The following MOB4 variants were observed in gnomAD, a reference collection of about 807,000 sequenced individuals.
MOB4 encodes the protein MOB family member 4, phocein, also known as MOB-like protein phocein.
A neutral mutation model predicts 32.2 loss-of-function variants in MOB4; 4 were observed. That is an observed-to-expected ratio of 0.12 (90% CI 0.06 to 0.28). The LOEUF is 0.28. MOB4 is among the 10% of genes least tolerant of loss of function. The probability of loss-of-function intolerance (pLI) is 1.00; values close to 1 mark genes in which losing one functional copy is unlikely to be tolerated. For synonymous variants in MOB4, 88 were observed against 88.1 expected, an observed-to-expected ratio of 1.00 and a Z score of 0.01; for missense variants, 158 against 271.2, an observed-to-expected ratio of 0.58 and a Z score of 2.93.
At chr2:197,532,996 G>A (rs2086733631) in intron 2 of MOB4, among the ~76,000 whole-genome samples, 1 of 151,952 alleles carries the variant, frequency 6.6e-6, no homozygotes, top group African/African-American at 2.4e-5. Flanking sequence ...CTACTTGGAA[G>A]GCTGAGACAA....
chr2:197,523,752 G>A (rs2086561288), intron 2 of MOB4, 66 bp downstream of exon 2: 1 of 1,493,276 alleles, frequency 6.7e-7, no homozygotes, highest in Non-Finnish European at 9.0e-7. Flanking sequence ...CCCATTGGGT[G>A]GCCTTTGTCT....
intron 1 of MOB4, among the ~76,000 whole-genome samples, chr2:197,522,136 C>T (rs952330025): frequency 6.6e-6 from 1 of 152,060 alleles, no homozygotes; most frequent in African/African-American, 2.4e-5. Context: ...TGGTTTCAGC[C>T]GGTCCCTCAG....
intron 6 of MOB4, among the ~76,000 whole-genome samples, chr2:197,549,767 T>G (rs923933616): frequency 6.6e-6 from 1 of 150,902 alleles, no homozygotes; most frequent in African/African-American, 2.4e-5. Context: ...GCCAGGCTGG[T>G]TTCGAACTCC....
rs1171812890 is a variant in MOB4, at chr2:197,518,468, A to G, written c.60+2322A>G. On this transcript the variant is annotated intron_variant, in intron 1 of 7. Coordinates refer to ENST00000323303, the MANE Select transcript of MOB4 (RefSeq NM_015387.5). Reference sequence around the variant, plus strand: ...GCAGAAACTGGGTTTCACCATGTTAACCAGGCTGGTCTCGAACTCCTGACC... The same window carrying G: ...GCAGAAACTGGGTTTCACCATGTTAGCCAGGCTGGTCTCGAACTCCTGACC... Among the ~76,000 whole-genome samples, 3 of 150,370 alleles carry G rather than the reference A, an allele frequency of 2.0e-5. No individual in the cohort carries two copies. In the South Asian group the frequency reaches 6.3e-4, roughly 32 times the overall value.
At chr2:197,524,259 G>A (rs1052011487) in intron 2 of MOB4, among the ~76,000 whole-genome samples, 1 of 152,094 alleles carries the variant, frequency 6.6e-6, no homozygotes, top group Non-Finnish European at 1.5e-5. Context: ...TAGCCCAGGT[G>A]TGGTGGCTCA....
At chr2:197,540,299 A>G in intron 4 of MOB4, 52 bp from the exon 5 acceptor site, 1 of 1,474,270 alleles carries the variant, frequency 6.8e-7, no homozygotes, top group Non-Finnish European at 9.0e-7. Context: ...CCTAAATGAT[A>G]AGCTTTTTCA....
intron 3 of MOB4, among the ~76,000 whole-genome samples, chr2:197,537,039 G>A (rs2086811750): frequency 1.3e-5 from 2 of 152,092 alleles, no homozygotes; most frequent in African/African-American, 4.8e-5. Context: ...ACTGCACTTG[G>A]CCACTTTATG....
intron 5 of MOB4, among the ~76,000 whole-genome samples, chr2:197,542,543 A>G (rs1460928474): frequency 6.6e-6 from 1 of 152,198 alleles, no homozygotes; most frequent in African/African-American, 2.4e-5. Context: ...ACCAATAATC[A>G]TTTATTCAGT....
chr2:197,542,558 T>C (rs1164644626), intron 5 of MOB4, among the ~76,000 whole-genome samples: 1 of 152,202 alleles, frequency 6.6e-6, no homozygotes, highest in Non-Finnish European at 1.5e-5. Flanking sequence ...TTCAGTATCC[T>C]TGAGAATTAA....
chr2:197,524,431 G>T (rs888568907), intron 2 of MOB4, among the ~76,000 whole-genome samples: 1 of 151,286 alleles, frequency 6.6e-6, no homozygotes, highest in Non-Finnish European at 1.5e-5. Flanking sequence ...ACTCGGGAGG[G>T]CTAAGGCAGG....
At chr2:197,526,419 C>T (rs2086613029) in intron 2 of MOB4, among the ~76,000 whole-genome samples, 1 of 152,118 alleles carries the variant, frequency 6.6e-6, no homozygotes, top group Non-Finnish European at 1.5e-5. Flanking sequence ...TGGGTTCAAG[C>T]GATTGTCCTG....
chr2:197,548,422 G>A lies in MOB4; in HGVS notation c.434+7G>A, dbSNP rs369858649. The A allele has an allele frequency of 4.1e-6, 6 of 1,478,410 alleles. No homozygotes were observed. The highest frequency in any genetic ancestry group is 3.0e-5 in the East Asian group (1 of 33,480). 91.6% of individuals were successfully genotyped at this position (1,478,410 alleles called of 1,614,324 possible). Reference sequence around the variant, plus strand: ...ATAAATATTTTCCCAGCAGGTAATCGAAACTTTTAAACATAGTGTTAAACA... The same window carrying A: ...ATAAATATTTTCCCAGCAGGTAATCAAAACTTTTAAACATAGTGTTAAACA... On this transcript the variant is annotated splice_region_variant and intron_variant, in intron 6 of 7. Transcript: ENST00000323303.
In MOB4 at chr2:197,550,634, A is replaced by G. The variant is rs139399234; in HGVS notation, c.666A>G (p.Glu222=). The G allele has an allele frequency of 1.3e-5, 20 of 1,598,796 alleles. No individual in the cohort carries two copies. Among genetic ancestry groups the G allele is most frequent in the Non-Finnish European group, 1.7e-5 (20 of 1,176,060 alleles). Residue 222 remains glutamate (E), a synonymous_variant, in exon 8 of 8, where the codon GAA becomes GAG. Coordinates refer to ENST00000323303, the MANE Select transcript of MOB4 (RefSeq NM_015387.5). ...AAGTACAGAATTCAGTTTCTGGGGA[A>G]AGTGAAGCATGAAGGGAATCATAGG... is the stretch of plus-strand genomic sequence containing the variant. ...EEEVQNSVSG[E]SEA
chr2:197,534,107 A>G lies in MOB4; in HGVS notation c.124-1423A>G, dbSNP rs1304278566. ...AACAATGGTTTTTCTTTTGGTTTCT[A>G]TGCTCTGCAGTAGGCTGGTTCAGTA... On this transcript the variant is annotated intron_variant, in intron 2 of 7. Transcript: ENST00000323303. 5.9e-5 allele frequency: 17 copies of G among 288,214 alleles called. 1 individual carries two copies. The highest frequency in any genetic ancestry group is 3.0e-4 in the South Asian group (8 of 26,962). The allele number at this position is 288,214 out of a possible 1,614,324, so 17.9% of individuals were successfully genotyped here.
chr2:197,550,168 AT>A lies in MOB4; in HGVS notation c.435-103del, dbSNP rs1206183436. On this transcript the variant is annotated intron_variant, in intron 6 of 7. Transcript: ENST00000323303. The stretch of plus-strand genomic sequence containing the variant: ...CAGTGTGACCTTGGAGTAGTCGCTT[AT>A]TTTCCCTAGGTGTCAGTTTCTACAC... The A allele has an allele frequency of 2.9e-6, 3 of 1,029,136 alleles. No homozygotes were observed. In the African/African-American group the frequency reaches 4.9e-5, roughly 17 times the overall value. 63.8% of individuals were successfully genotyped at this position (1,029,136 alleles called of 1,614,324 possible).
chr2:197,527,386 G>T (rs561125864), intron 2 of MOB4, among the ~76,000 whole-genome samples: 1 of 152,070 alleles, frequency 6.6e-6, no homozygotes, highest in Admixed American at 6.6e-5. Context: ...CTATTTCTAG[G>T]TATTTAAAAG....
At position 197,525,596 on chromosome 2, in the gene MOB4, G is replaced by C. The variant is rs549574390; in HGVS notation, c.123+1910G>C. Reference sequence around the variant, plus strand: ...TGTAAAAAATAAAAAGGTTGGGCTAGGTGGCGTGCACCTGTAGTCCTAGCT... The same window carrying C: ...TGTAAAAAATAAAAAGGTTGGGCTACGTGGCGTGCACCTGTAGTCCTAGCT... On this transcript the variant is annotated intron_variant, in intron 2 of 7. Transcript: ENST00000323303. 4.3e-4 allele frequency among the ~76,000 whole-genome samples: 65 copies of C among 151,856 alleles called. 2 individuals carry two copies. The South Asian group carries it at 0.013, about 31-fold the overall frequency.
intron 2 of MOB4, among the ~76,000 whole-genome samples, chr2:197,526,905 T>G (rs2086620669): frequency 1.3e-5 from 2 of 152,156 alleles, no homozygotes; most frequent in South Asian, 4.1e-4. Context: ...GACTGTAGCT[T>G]TGTAGTAAGT....
intron 2 of MOB4, among the ~76,000 whole-genome samples, chr2:197,528,723 C>T (rs1448819581): frequency 2.0e-5 from 3 of 150,390 alleles, no homozygotes; most frequent in African/African-American, 7.3e-5. Context: ...TCAGGCCATT[C>T]TCCTGCCTCA....
Sources: allele counts gnomAD v4.1 joint callset (sites outside exome capture counted in the v4.1 genomes callset), GRCh38; gene constraint gnomAD v4.1.1; transcripts MANE v1.5; gene names NCBI Gene and HGNC (gene_info 2026-07-23, HGNC 2026-07-21).